The following TEX9 variants were observed in gnomAD, a reference collection of about 807,000 sequenced individuals.
TEX9 encodes testis expressed 9.
TEX9 carries 74 observed loss-of-function variants against 59.6 expected under a neutral mutation model. The ratio of observed to expected loss-of-function variants is 1.24; its 90% CI spans 1.03 to 1.51. The LOEUF (loss-of-function observed/expected upper bound fraction) is 1.51. Among genes scored for constraint, TEX9 ranks in the 40% most tolerant of loss-of-function variants. The pLI is 0.00. For missense variants in TEX9, 522 were observed against 447.8 expected, an observed-to-expected ratio of 1.17 and a Z score of -1.49; for synonymous variants, 186 against 152.2, an observed-to-expected ratio of 1.22 and a Z score of -1.64.
intron 1 of TEX9, among the ~76,000 whole-genome samples, chr15:56,278,147 T>G (rs2044722447): frequency 6.6e-6 from 1 of 152,206 alleles, no homozygotes; most frequent in East Asian, 1.9e-4. Context: ...TTTATTATTG[T>G]CATTTTAATC....
chr15:56,251,518 C>T (rs2044017074), intron 1 of TEX9, among the ~76,000 whole-genome samples: 2 of 152,086 alleles, frequency 1.3e-5, no homozygotes, highest in Admixed American at 1.3e-4. Flanking sequence ...CGGATTGATT[C>T]CTTTTTTGGA....
At chr15:56,395,039 G>A (rs2048397826) in intron 9 of TEX9, 2 of 570,524 alleles carry the variant, frequency 3.5e-6, no homozygotes. Flanking sequence ...GGCTTTTGGT[G>A]TATTCATAGA....
chr15:56,297,795 G>A (rs1021808211), intron 1 of TEX9, among the ~76,000 whole-genome samples: 5 of 152,216 alleles, frequency 3.3e-5, no homozygotes, highest in South Asian at 2.1e-4. Flanking sequence ...GTGAGCCACC[G>A]TGCCTGGCCA....
At chr15:56,429,093 T>C in intron 12 of TEX9, 1 of 1,558,762 alleles carries the variant, frequency 6.4e-7, no homozygotes, top group Non-Finnish European at 8.7e-7. Context: ...TACCCAATTT[T>C]GATGATATCA....
At chr15:56,391,129 T>G (rs917425058) in intron 6 of TEX9, 114 bp from the exon 7 acceptor site, 13 of 539,600 alleles carry the variant, frequency 2.4e-5, no homozygotes, top group Non-Finnish European at 3.5e-5. Context: ...AAATTTAAAT[T>G]TATAATAATT....
intron 6 of TEX9, among the ~76,000 whole-genome samples, chr15:56,390,447 A>G (rs1387970485): frequency 6.6e-6 from 1 of 152,048 alleles, no homozygotes; most frequent in Non-Finnish European, 1.5e-5. Context: ...AAAACATCTC[A>G]TGTACCTCAT....
chr15:56,458,536 C>T, the TEX9 span, among the ~76,000 whole-genome samples: 2 of 152,076 alleles, frequency 1.3e-5, no homozygotes, highest in Admixed American at 6.6e-5. Flanking sequence ...TGGGTTTTGG[C>T]AATGCATAAT....
intron 10 of TEX9, among the ~76,000 whole-genome samples, chr15:56,424,243 C>A (rs1187763533): frequency 1.3e-5 from 2 of 151,964 alleles, no homozygotes; most frequent in African/African-American, 4.8e-5. Flanking sequence ...ATATAATGTC[C>A]TTCTTGGTAT....
intron 9 of TEX9, among the ~76,000 whole-genome samples, chr15:56,403,223 T>C (rs2048889656): frequency 6.6e-6 from 1 of 152,252 alleles, no homozygotes; most frequent in Non-Finnish European, 1.5e-5. Flanking sequence ...CATGATTGTA[T>C]GTTTAGAAAA....
intron 1 of TEX9, among the ~76,000 whole-genome samples, chr15:56,258,935 T>C (rs2044205352): frequency 6.7e-6 from 1 of 149,714 alleles, no homozygotes; most frequent in African/African-American, 2.5e-5. Flanking sequence ...CCTATATGTA[T>C]ATATAAAACA....
intron 8 of TEX9, 68 bp downstream of exon 8, chr15:56,394,315 T>G (rs1567119689): frequency 7.7e-7 from 1 of 1,296,788 alleles, no homozygotes; most frequent in Non-Finnish European, 1.1e-6. Context: ...TTCAATTACA[T>G]TTTTTGAATT....
chr15:56,443,508 C>T, intron 12 of TEX9: 2 of 1,599,470 alleles, frequency 1.3e-6, no homozygotes, highest in Non-Finnish European at 1.7e-6. Context: ...CTTCACGTTG[C>T]CGCAGCATTT....
chr15:56,369,928 C>A (rs535301055), intron 2 of TEX9, among the ~76,000 whole-genome samples: 1 of 151,808 alleles, frequency 6.6e-6, no homozygotes, highest in African/African-American at 2.4e-5. Flanking sequence ...TTGGGAATAT[C>A]TTGTTTGACT....
chr15:56,305,990 G>A lies in TEX9; in HGVS notation c.-107+61712G>A, dbSNP rs1313016419. ...AAATGTCAACAGGCTTTTCTCAAAA[G>A]AATACAAATTGCAAACAGACATATA... is the stretch of plus-strand genomic sequence containing the variant. On this transcript the variant is annotated intron_variant, in intron 1 of 5. Transcript: ENST00000560827. 2.0e-5 allele frequency among the ~76,000 whole-genome samples: 3 copies of A among 152,140 alleles called. No individual in the cohort carries two copies. The East Asian group carries it at 5.8e-4, about 29-fold the overall frequency.
intron 1 of TEX9, among the ~76,000 whole-genome samples, chr15:56,308,785 C>T (rs1393595332): frequency 6.6e-6 from 1 of 152,118 alleles, no homozygotes; most frequent in African/African-American, 2.4e-5. Flanking sequence ...CCAGTTGCCC[C>T]AGGACGATTC....
chr15:56,404,007 T>C (rs1567127594), intron 9 of TEX9, among the ~76,000 whole-genome samples: 1 of 152,190 alleles, frequency 6.6e-6, no homozygotes, highest in Non-Finnish European at 1.5e-5. Context: ...ACTTAAATGT[T>C]AGACCTAAAA....
rs145749234 is a variant in TEX9 at position 56,288,429 on chromosome 15, G to A, written c.-107+44151G>A. 4.5e-4 allele frequency among the ~76,000 whole-genome samples: 68 copies of A among 151,938 alleles called. 1 individual carries two copies. In the East Asian group the frequency reaches 0.012, roughly 27 times the overall value. Reference sequence around the variant, plus strand: ...GCATTTCTTAGAAGACAGGTCTAGGGGTGATAAACTCCCTCAGATTTTGTT... The same window carrying A: ...GCATTTCTTAGAAGACAGGTCTAGGAGTGATAAACTCCCTCAGATTTTGTT... On this transcript the variant is annotated intron_variant, in intron 1 of 5. Coordinates refer to the TEX9 transcript ENST00000560827.
intron 7 of TEX9, among the ~76,000 whole-genome samples, chr15:56,393,383 A>C (rs754005714): frequency 3.9e-5 from 6 of 152,094 alleles, no homozygotes; most frequent in Non-Finnish European, 8.8e-5. Context: ...GTGTATGGAG[A>C]TGTTTTATGC....
intron 1 of TEX9, among the ~76,000 whole-genome samples, chr15:56,328,007 G>A (rs1042166865): frequency 6.6e-6 from 1 of 152,040 alleles, no homozygotes; most frequent in Admixed American, 6.6e-5. Flanking sequence ...ACCAGCCAGG[G>A]CAGCTAAGGG....
Sources: gnomAD v4.1 joint callset for allele counts (sites outside exome capture counted in the v4.1 genomes callset) on GRCh38, gnomAD v4.1.1 for gene constraint, MANE v1.5 for transcripts, NCBI Gene and HGNC (gene_info 2026-07-23, HGNC 2026-07-21) for gene names.